The following LPP variants were observed in gnomAD, a reference collection of about 807,000 sequenced individuals.
LPP encodes lipoma-preferred partner.
In LPP, 38 loss-of-function variants were observed where a neutral mutation model predicts 60.4. The ratio of observed to expected loss-of-function variants is 0.63; its 90% CI spans 0.49 to 0.83. The LOEUF (loss-of-function observed/expected upper bound fraction) is 0.83. Among genes scored for constraint, LPP ranks in the 40% least tolerant of loss-of-function variants. The pLI, the probability that LPP is intolerant of heterozygous loss-of-function variation, is 0.00. For synonymous variants in LPP, 328 were observed against 290.8 expected, an observed-to-expected ratio of 1.13 and a Z score of -1.30; for missense variants, 902 against 783.6, an observed-to-expected ratio of 1.15 and a Z score of -1.80.
intron 3 of LPP, among the ~76,000 whole-genome samples, chr3:188,375,204 G>A (rs890956570): frequency 6.6e-6 from 1 of 152,106 alleles, no homozygotes; most frequent in Non-Finnish European, 1.5e-5. Flanking sequence ...TTTGGTATCA[G>A]GATGATGCTG....
intron 3 of LPP, among the ~76,000 whole-genome samples, chr3:188,360,632 C>T (rs979589337): frequency 2.0e-5 from 3 of 152,146 alleles, no homozygotes; most frequent in African/African-American, 4.8e-5. Flanking sequence ...GCTGGGATTA[C>T]AGTCATGAGC....
At chr3:188,568,748 G>A (rs1832809561) in intron 6 of LPP, 2 of 152,000 alleles carry the variant, frequency 1.3e-5, no homozygotes, top group African/African-American at 4.8e-5. Context: ...AGTGGCTTGG[G>A]GAAAGTAGAG....
At chr3:188,779,491 G>A (rs1173928542) in intron 9 of LPP, among the ~76,000 whole-genome samples, 1 of 152,098 alleles carries the variant, frequency 6.6e-6, no homozygotes, top group Non-Finnish European at 1.5e-5. Flanking sequence ...CTTGGAATAT[G>A]GAGGTCTGCT....
At chr3:188,291,120 G>T in intron 2 of LPP, among the ~76,000 whole-genome samples, 1 of 152,152 alleles carries the variant, frequency 6.6e-6, no homozygotes. Context: ...AAGATGTGTT[G>T]CTGAGGTGAA....
intron 9 of LPP, among the ~76,000 whole-genome samples, chr3:188,835,223 C>T (rs934418893): frequency 5.3e-5 from 8 of 150,568 alleles, no homozygotes; most frequent in Non-Finnish European, 7.4e-5. Flanking sequence ...TTTTGGAGGC[C>T]GAGGGGGGCA....
chr3:188,681,938 C>A (rs1018863870), intron 7 of LPP, among the ~76,000 whole-genome samples: 1 of 152,204 alleles, frequency 6.6e-6, no homozygotes, highest in Non-Finnish European at 1.5e-5. Flanking sequence ...TTGTTGTGTT[C>A]ACTGCTGTAT....
At chr3:188,612,298 G>A (rs978895761) in intron 7 of LPP, among the ~76,000 whole-genome samples, 6 of 152,116 alleles carry the variant, frequency 3.9e-5, no homozygotes, top group Non-Finnish European at 5.9e-5. Flanking sequence ...TTCTGGGCGC[G>A]TTGTGAGGGC....
At chr3:188,214,534 G>T (rs1577331250) in intron 1 of LPP, among the ~76,000 whole-genome samples, 1 of 152,212 alleles carries the variant, frequency 6.6e-6, no homozygotes, top group Non-Finnish European at 1.5e-5. Context: ...AGATGTAATA[G>T]AGCAGAGGAA....
intron 6 of LPP, among the ~76,000 whole-genome samples, chr3:188,587,530 A>G (rs1837739417): frequency 6.6e-6 from 1 of 152,204 alleles, no homozygotes; most frequent in African/African-American, 2.4e-5. Flanking sequence ...TAAATATTAT[A>G]TACGCCATAC....
At chr3:188,453,725 A>AT (rs1335753188) in intron 4 of LPP, among the ~76,000 whole-genome samples, 1 of 151,994 alleles carries the variant, frequency 6.6e-6, no homozygotes, top group Non-Finnish European at 1.5e-5. Flanking sequence ...TACCTTCCCT[A>AT]TTAAGTCTCC....
At chr3:188,665,558 T>G (rs925028874) in intron 7 of LPP, among the ~76,000 whole-genome samples, 2 of 151,428 alleles carry the variant, frequency 1.3e-5, no homozygotes, top group African/African-American at 4.9e-5. Flanking sequence ...CTTCCAGTTT[T>G]AAGCGATTCT....
At chr3:188,873,508 T>C (rs1768701170) in intron 11 of LPP, among the ~76,000 whole-genome samples, 1 of 152,190 alleles carries the variant, frequency 6.6e-6, no homozygotes, top group Admixed American at 6.5e-5. Flanking sequence ...TTAACTGTTA[T>C]ATAACACTTT....
At chr3:188,246,455 T>A (rs2149512761) in intron 2 of LPP, among the ~76,000 whole-genome samples, 1 of 152,328 alleles carries the variant, frequency 6.6e-6, no homozygotes, top group Middle Eastern at 3.4e-3. Context: ...TTACAGGGAA[T>A]TCTTTCCTCT....
chr3:188,469,670 G>A (rs745740559), intron 4 of LPP, among the ~76,000 whole-genome samples: 55 of 151,994 alleles, frequency 3.6e-4, no homozygotes, highest in African/African-American at 8.2e-4. Context: ...TTTTGTTATC[G>A]TTTTAGTTAC....
intron 7 of LPP, among the ~76,000 whole-genome samples, chr3:188,637,496 C>T (rs1395065927): frequency 6.7e-6 from 1 of 150,004 alleles, no homozygotes; most frequent in African/African-American, 2.5e-5. Context: ...TAGCAGAAGG[C>T]AAGAAATAAC....
At chr3:188,441,728 C>A (rs1349396623) in intron 4 of LPP, among the ~76,000 whole-genome samples, 3 of 145,890 alleles carry the variant, frequency 2.1e-5, no homozygotes, top group African/African-American at 5.0e-5. Context: ...TCACGCCATT[C>A]TCCCACCTCA....
intron 7 of LPP, among the ~76,000 whole-genome samples, chr3:188,650,307 A>C (rs970969028): frequency 3.3e-5 from 5 of 152,240 alleles, no homozygotes; most frequent in African/African-American, 1.2e-4. Flanking sequence ...AAACTCAGGC[A>C]GTCCATGCTG....
intron 2 of LPP, among the ~76,000 whole-genome samples, chr3:188,292,169 AG>A (rs1377982406): frequency 2.6e-5 from 4 of 152,240 alleles, no homozygotes; most frequent in Non-Finnish European, 4.4e-5. Flanking sequence ...AGAGAAGTGA[AG>A]GTACAATTCC....
At chr3:188,524,596 A>G in intron 5 of LPP, 69 bp from the exon 6 acceptor site, 1 of 1,495,442 alleles carries the variant, frequency 6.7e-7, no homozygotes, top group Non-Finnish European at 9.0e-7. Context: ...TTATAACTTG[A>G]GAAATTTGAA....
Sources: gnomAD v4.1 joint callset for allele counts (sites outside exome capture counted in the v4.1 genomes callset) on GRCh38, gnomAD v4.1.1 for gene constraint, MANE v1.5 for transcripts, NCBI Gene and HGNC (gene_info 2026-07-23, HGNC 2026-07-21) for gene names.